The following KIF27 variants were observed in gnomAD, a reference collection of about 807,000 sequenced individuals.
KIF27 encodes kinesin family member 27, also known as kinesin-like protein KIF27.
In KIF27, 84 loss-of-function variants were observed where a neutral mutation model predicts 141.8. The ratio of observed to expected loss-of-function variants is 0.59; its 90% CI spans 0.50 to 0.71. KIF27 has a LOEUF of 0.71. Among genes scored for constraint, KIF27 ranks in the 30% least tolerant of loss-of-function variants. KIF27 has a pLI of 0.00. For synonymous variants in KIF27, 471 were observed against 569.5 expected, an observed-to-expected ratio of 0.83 and a Z score of 2.46; for missense variants, 1,306 against 1,628.4, an observed-to-expected ratio of 0.80 and a Z score of 3.41.
chr9:83,906,614 C>T (rs550426071), intron 3 of KIF27, among the ~76,000 whole-genome samples: 63 of 151,640 alleles, frequency 4.2e-4, no homozygotes, highest in South Asian at 1.7e-3. Flanking sequence ...TGGTGGCGGG[C>T]GCCTGTTAGT....
intron 3 of KIF27, among the ~76,000 whole-genome samples, chr9:83,904,741 T>C (rs1954313899): frequency 6.6e-6 from 1 of 152,146 alleles, no homozygotes; most frequent in Admixed American, 6.5e-5. Flanking sequence ...GAAGAATTAA[T>C]TAGTATCAAT....
At position 83,913,100 on chromosome 9, in the gene KIF27, G is replaced by A. The variant is rs554010832; in HGVS notation, c.298+2194C>T. 3.2e-3 allele frequency among the ~76,000 whole-genome samples: 483 copies of A among 152,188 alleles called. 8 individuals are homozygous for A. Among genetic ancestry groups the A allele is most frequent in the African/African-American group, 0.011 (459 of 41,502 alleles). ...GAATCTCGTAAGCCCAGAAGGTTGA[G>A]GCTGCAGTGAGCTGTGATTGTGCCA... On this transcript the variant is annotated intron_variant, in intron 2 of 17. Transcript: ENST00000297814.
intron 16 of KIF27, among the ~76,000 whole-genome samples, chr9:83,845,287 G>A (rs183463401): frequency 6.6e-6 from 1 of 152,196 alleles, no homozygotes; most frequent in African/African-American, 2.4e-5. Context: ...AAGTCACCAT[G>A]CGACCTGAAC....
chr9:83,851,403 G>C (rs1948570644), intron 15 of KIF27, among the ~76,000 whole-genome samples: 1 of 152,096 alleles, frequency 6.6e-6, no homozygotes, highest in South Asian at 2.1e-4. Flanking sequence ...TCAGGTTGGA[G>C]TGCAGTGGTG....
At chr9:83,884,938 A>G (rs1030436878) in intron 9 of KIF27, among the ~76,000 whole-genome samples, 2 of 152,176 alleles carry the variant, frequency 1.3e-5, no homozygotes, top group African/African-American at 2.4e-5. Context: ...AGATATTTCT[A>G]TATCTCTTGA....
intron 16 of KIF27, 98 bp downstream of exon 16, chr9:83,850,001 A>G (rs1948354732): frequency 9.3e-7 from 1 of 1,076,572 alleles, no homozygotes. Context: ...CAACTATTTA[A>G]ACATGTTGAC....
intron 16 of KIF27, among the ~76,000 whole-genome samples, chr9:83,844,530 A>C (rs1947010006): frequency 6.6e-6 from 1 of 152,084 alleles, no homozygotes; most frequent in Admixed American, 6.6e-5. Flanking sequence ...AAAAATGCTA[A>C]GGACTCTACT....
At chr9:83,915,246 C>T (rs1193930962) in intron 2 of KIF27, 48 bp downstream of exon 2, 3 of 1,515,056 alleles carry the variant, frequency 2.0e-6, no homozygotes, top group South Asian at 1.3e-5. Context: ...CATATTTTTG[C>T]TTCTTTCTAG....
At chr9:83,899,534 C>T in intron 5 of KIF27, 127 bp downstream of exon 5, 2 of 610,976 alleles carry the variant, frequency 3.3e-6, no homozygotes, top group Non-Finnish European at 5.4e-6. Flanking sequence ...CTTTCAGGTG[C>T]CTATGTTCAG....
At chr9:83,882,555 G>GTCCTCCTCA (rs1365082449) in intron 10 of KIF27, among the ~76,000 whole-genome samples, 60 of 152,292 alleles carry the variant, frequency 3.9e-4, no homozygotes, top group Admixed American at 3.9e-3. Flanking sequence ...GGTAACTACT[G>GTCCTCCTCA]TCCTCCTCAT....
chr9:83,854,977 A>G (rs770199821), intron 14 of KIF27: 1 of 152,170 alleles, frequency 6.6e-6, no homozygotes, highest in Non-Finnish European at 1.5e-5. Context: ...TACAGGACCC[A>G]TGTTATTTCT....
chr9:83,868,113 G>A (rs999105130), intron 12 of KIF27: 6 of 353,782 alleles, frequency 1.7e-5, no homozygotes, highest in African/African-American at 8.5e-5. Flanking sequence ...TTAGCCTGAC[G>A]AAGAAAGGGC....
chr9:83,892,881 A>C (rs903248369), intron 5 of KIF27, among the ~76,000 whole-genome samples: 3 of 152,206 alleles, frequency 2.0e-5, no homozygotes, highest in African/African-American at 7.2e-5. Context: ...TTAATAACAC[A>C]GCTTCAATAT....
Position 83,853,655 on chromosome 9 carries a change from T to C in KIF27, c.3331A>G (p.Thr1111Ala), listed in dbSNP as rs909861058. Reference protein sequence around the residue: ...LACLSPVEIRTILFRYFNKVV... With the variant: ...LACLSPVEIRAILFRYFNKVV... ...TTATTGAAATATCTGAAAAGAATAG[T>C]TCTAATCTCAACAGGACTCAGGCAA... Residue 1111 changes from threonine (T) to alanine (A), a missense_variant, in exon 15 of 18, where the codon ACT (threonine) becomes GCT (alanine). Transcript: ENST00000297814. 19 of 1,613,554 alleles carry C rather than the reference T, an allele frequency of 1.2e-5. No homozygotes were observed. The highest frequency in any genetic ancestry group is 5.5e-5 in the South Asian group (5 of 91,064).
At chr9:83,911,600 G>A (rs1955175237) in intron 2 of KIF27, among the ~76,000 whole-genome samples, 1 of 152,090 alleles carries the variant, frequency 6.6e-6, no homozygotes, top group South Asian at 2.1e-4. Context: ...CTGGAGTGCA[G>A]TGGCACGATC....
intron 9 of KIF27, among the ~76,000 whole-genome samples, chr9:83,884,418 T>C (rs1433991776): frequency 6.6e-6 from 1 of 152,158 alleles, no homozygotes; most frequent in Admixed American, 6.5e-5. Context: ...AATTCCTTTT[T>C]TAAATTATTA....
chr9:83,921,216 A>ACCCC (rs1956243035), intron 1 of KIF27, among the ~76,000 whole-genome samples, 155 bp downstream of exon 1: 1 of 151,872 alleles, frequency 6.6e-6, no homozygotes, highest in Non-Finnish European at 1.5e-5. Flanking sequence ...TCCGCTACCC[A>ACCCC]CCCGCGGCGG....
chr9:83,872,939 G>C (rs1476738627), intron 11 of KIF27, among the ~76,000 whole-genome samples: 2 of 152,178 alleles, frequency 1.3e-5, no homozygotes, highest in Non-Finnish European at 2.9e-5. Context: ...AGAGAGGTAC[G>C]ATTAGGAAAG....
chr9:83,856,803 G>C (rs999334668), intron 14 of KIF27, among the ~76,000 whole-genome samples: 9 of 150,766 alleles, frequency 6.0e-5, no homozygotes, highest in African/African-American at 1.7e-4. Flanking sequence ...CCAGCTACTG[G>C]GGAGGCTGAG....
Sources: allele counts gnomAD v4.1 joint callset (sites outside exome capture counted in the v4.1 genomes callset), GRCh38; gene constraint gnomAD v4.1.1; transcripts MANE v1.5; gene names NCBI Gene and HGNC (gene_info 2026-07-23, HGNC 2026-07-21).